The following GRM7 variants were observed in gnomAD, a reference collection of about 807,000 sequenced individuals.
GRM7 encodes the protein metabotropic glutamate receptor 7.
GRM7 carries 35 observed loss-of-function variants against 84.5 expected under a neutral mutation model. The ratio of observed to expected loss-of-function variants is 0.41; its 90% CI spans 0.32 to 0.55. The LOEUF (loss-of-function observed/expected upper bound fraction) is 0.55, where lower values mean the gene tolerates loss of function less well. GRM7 is among the 20% of genes least tolerant of loss of function. The probability of loss-of-function intolerance (pLI) is 0.19; values close to 1 mark genes in which losing one functional copy is unlikely to be tolerated. For synonymous variants in GRM7, 487 were observed against 455.1 expected, an observed-to-expected ratio of 1.07 and a Z score of -0.89; for missense variants, 1,003 against 1,194.6, an observed-to-expected ratio of 0.84 and a Z score of 2.36.
At chr3:7,098,705 A>G (rs1698940608) in intron 1 of GRM7, among the ~76,000 whole-genome samples, 1 of 152,022 alleles carries the variant, frequency 6.6e-6, no homozygotes, top group Non-Finnish European at 1.5e-5. Flanking sequence ...TTTCGGTGCC[A>G]TTTATAAAAA....
At chr3:7,552,085 T>C (rs115675237) in intron 7 of GRM7, among the ~76,000 whole-genome samples, 6,890 of 152,216 alleles carry the variant, frequency 0.045, 226 homozygotes, top group Non-Finnish European at 0.073. Flanking sequence ...TTCAATTAAC[T>C]CCACCTGATC....
At chr3:7,508,987 C>T (rs1465006617) in intron 7 of GRM7, among the ~76,000 whole-genome samples, 1 of 152,058 alleles carries the variant, frequency 6.6e-6, no homozygotes, top group Non-Finnish European at 1.5e-5. Flanking sequence ...TTTCAATGAC[C>T]CATGGAAAAT....
At position 7,227,494 on chromosome 3, in the gene GRM7, T is replaced by G. The variant is rs148385399; in HGVS notation, c.737-71190T>G. Among the ~76,000 whole-genome samples the G allele has an allele frequency of 7.1e-3, 1,079 of 152,286 alleles. 8 individuals are homozygous for G. Among genetic ancestry groups the G allele is most frequent in the African/African-American group, 0.024 (996 of 41,548 alleles). On this transcript the variant is annotated intron_variant, in intron 2 of 9. Coordinates refer to ENST00000357716, the MANE Select transcript of GRM7 (RefSeq NM_000844.4). Reference sequence around the variant, plus strand: ...GAGACCTCCTATTGTATCGCATGCCTACTTTTTTCAGTACATCTTTGCACA... The same window carrying G: ...GAGACCTCCTATTGTATCGCATGCCGACTTTTTTCAGTACATCTTTGCACA...
chr3:7,534,917 T>G (rs1033335581), intron 7 of GRM7, among the ~76,000 whole-genome samples: 3 of 152,158 alleles, frequency 2.0e-5, no homozygotes, highest in Non-Finnish European at 4.4e-5. Flanking sequence ...TGGGGGGTGG[T>G]TGATTCCACA....
chr3:7,327,907 T>C (rs1701048363), intron 4 of GRM7, among the ~76,000 whole-genome samples: 2 of 152,218 alleles, frequency 1.3e-5, no homozygotes. Context: ...TATCAGAACA[T>C]TGTAAGTCCT....
chr3:7,713,351 G>A (rs989319300), intron 9 of GRM7, among the ~76,000 whole-genome samples: 3 of 151,786 alleles, frequency 2.0e-5, no homozygotes, highest in African/African-American at 7.3e-5. Context: ...TGGCCAGGCT[G>A]GTCTCGAACT....
chr3:7,135,460 G>C (rs778008967), intron 1 of GRM7, among the ~76,000 whole-genome samples: 1 of 152,072 alleles, frequency 6.6e-6, no homozygotes, highest in African/African-American at 2.4e-5. Context: ...TCAAAAATTC[G>C]CCTTTTACAA....
In GRM7 at chr3:7,360,243, G is replaced by T. The variant is rs995734354; in HGVS notation, c.1033+53591G>T. Among the ~76,000 whole-genome samples, 11 of 145,294 alleles carry T rather than the reference G, an allele frequency of 7.6e-5. 2 individuals are homozygous for T. Among genetic ancestry groups the T allele is most frequent in the Admixed American group, 3.4e-4 (5 of 14,504 alleles). The stretch of plus-strand genomic sequence containing the variant: ...TGAATAAACCTAAATTTGTTTATTC[G>T]CAAGCCATTTTTATTAGGAAATAGA... On this transcript the variant is annotated intron_variant, in intron 4 of 9. Transcript: ENST00000357716.
chr3:7,341,208 A>C (rs796330724), intron 4 of GRM7, among the ~76,000 whole-genome samples: 19 of 152,276 alleles, frequency 1.2e-4, no homozygotes, highest in African/African-American at 4.6e-4. Flanking sequence ...GCTGTGGAAA[A>C]GAATACTTCT....
chr3:7,307,413 C>T lies in GRM7; in HGVS notation c.1033+761C>T, dbSNP rs78822716. On this transcript the variant is annotated intron_variant, in intron 4 of 9. Transcript: ENST00000357716. ...GTGTTCCTTTTCTGATGGGCCATGT[C>T]TCCAAAGATTCTCTAAAACATGCTT... 1.5e-3 allele frequency among the ~76,000 whole-genome samples: 233 copies of T among 152,326 alleles called. 1 individual carries two copies. The highest frequency in any genetic ancestry group is 5.4e-3 in the African/African-American group (223 of 41,588).
intron 1 of GRM7, among the ~76,000 whole-genome samples, chr3:7,056,007 G>C (rs1464177403): frequency 2.0e-5 from 3 of 151,944 alleles, no homozygotes; most frequent in Non-Finnish European, 4.4e-5. Flanking sequence ...CCAGTTAAAT[G>C]CTTACAAATT....
intron 1 of GRM7, among the ~76,000 whole-genome samples, chr3:7,068,870 T>G (rs1490910231): frequency 1.3e-5 from 2 of 151,902 alleles, no homozygotes; most frequent in Non-Finnish European, 2.9e-5. Flanking sequence ...CCTAGTGGCT[T>G]CATTGGCTTC....
chr3:7,379,125 T>A (rs1694479410), intron 4 of GRM7, among the ~76,000 whole-genome samples: 1 of 152,176 alleles, frequency 6.6e-6, no homozygotes, highest in Non-Finnish European at 1.5e-5. Context: ...CGGGCTGGAG[T>A]GCAGTGGCGT....
chr3:7,442,678 C>T (rs1241218838), intron 5 of GRM7, among the ~76,000 whole-genome samples: 1 of 152,096 alleles, frequency 6.6e-6, no homozygotes, highest in Non-Finnish European at 1.5e-5. Flanking sequence ...GGACTAAAGT[C>T]CCTTGGGAGT....
At chr3:7,401,370 G>A (rs905898368) in intron 4 of GRM7, among the ~76,000 whole-genome samples, 17 of 152,070 alleles carry the variant, frequency 1.1e-4, no homozygotes, top group African/African-American at 1.9e-4. Context: ...TGTTGACCAC[G>A]TTTTGTTGTT....
At chr3:6,964,045 C>T (rs1471842676) in intron 1 of GRM7, among the ~76,000 whole-genome samples, 1 of 152,164 alleles carries the variant, frequency 6.6e-6, no homozygotes, top group Non-Finnish European at 1.5e-5. Context: ...CACCATCCAC[C>T]ACCCCTATTT....
At chr3:7,665,761 A>T (rs1699673104) in intron 8 of GRM7, among the ~76,000 whole-genome samples, 1 of 152,102 alleles carries the variant, frequency 6.6e-6, no homozygotes, top group Non-Finnish European at 1.5e-5. Flanking sequence ...TTTGCTCCTG[A>T]TTACTGTGTC....
intron 7 of GRM7, among the ~76,000 whole-genome samples, chr3:7,487,646 G>C (rs188829263): frequency 1.4e-4 from 21 of 152,306 alleles, no homozygotes; most frequent in African/African-American, 4.8e-4. Context: ...ACTACCAAGT[G>C]GTGCTAACTC....
intron 2 of GRM7, among the ~76,000 whole-genome samples, chr3:7,211,378 C>G (rs1333237211): frequency 6.6e-6 from 1 of 152,126 alleles, no homozygotes; most frequent in African/African-American, 2.4e-5. Flanking sequence ...TAATAGCACC[C>G]TCTGGGATTC....
Sources: allele counts gnomAD v4.1 joint callset (sites outside exome capture counted in the v4.1 genomes callset), GRCh38; gene constraint gnomAD v4.1.1; transcripts MANE v1.5; gene names NCBI Gene and HGNC (gene_info 2026-07-23, HGNC 2026-07-21).